Variants in SESTD1 observed in about 807,000 individuals in gnomAD.
SESTD1 encodes the protein SEC14 and spectrin domain containing 1.
SESTD1 carries 43 observed loss-of-function variants against 101.7 expected under a neutral mutation model. That is an observed-to-expected ratio of 0.42 (90% CI 0.33 to 0.55). The LOEUF is 0.55. SESTD1 is among the 20% of genes least tolerant of loss of function. SESTD1 has a pLI of 0.07. For synonymous variants in SESTD1, 283 were observed against 286.8 expected (o/e 0.99, Z 0.13); for missense variants, 647 against 815.1 (o/e 0.79, Z 2.51).
intron 1 of SESTD1, among the ~76,000 whole-genome samples, chr2:179,196,500 G>A (rs960156184): frequency 6.6e-6 from 1 of 152,220 alleles, no homozygotes; most frequent in African/African-American, 2.4e-5. Flanking sequence ...CACATCTTGG[G>A]GGCAGAGCAC....
chr2:179,167,580 A>C (rs1007408488), intron 5 of SESTD1, among the ~76,000 whole-genome samples: 6 of 152,186 alleles, frequency 3.9e-5, no homozygotes, highest in Non-Finnish European at 8.8e-5. Context: ...GAGATACAGC[A>C]AAATAAAACT....
chr2:179,151,432 C>A, intron 5 of SESTD1, 41 bp from the exon 6 acceptor site: 2 of 1,452,514 alleles, frequency 1.4e-6, no homozygotes, highest in Non-Finnish European at 1.9e-6. Flanking sequence ...TAGTAACCCA[C>A]TATTAAAATC....
intron 1 of SESTD1, among the ~76,000 whole-genome samples, chr2:179,256,822 A>C (rs1019116495): frequency 2.0e-5 from 3 of 151,968 alleles, no homozygotes; most frequent in African/African-American, 7.3e-5. Flanking sequence ...AAAAAAAAAA[A>C]AAAAAAAACT....
intron 2 of SESTD1, among the ~76,000 whole-genome samples, chr2:179,185,402 TATGTA>T (rs1163977198): frequency 6.9e-6 from 1 of 145,664 alleles, no homozygotes; most frequent in Non-Finnish European, 1.5e-5. Flanking sequence ...ATATATAGTA[TATGTA>T]ATGTATATAA....
Position 179,132,404 on chromosome 2 carries a change from G to C in SESTD1, c.872C>G (p.Pro291Arg). The C allele has an allele frequency of 1.3e-6, 2 of 1,561,188 alleles. No homozygotes were observed. Among genetic ancestry groups the C allele is most frequent in the Non-Finnish European group, 1.7e-6 (2 of 1,162,646 alleles). Residue 291 changes from proline to arginine, a missense_variant, in exon 10 of 18, where the codon CCT (proline) becomes CGT (arginine). Around this residue, in one of 3 missense-constraint regions of SESTD1, gnomAD observed 476 missense variants for 562.6 expected, o/e 0.85. Coordinates refer to ENST00000428443, the MANE Select transcript of SESTD1 (RefSeq NM_178123.5). ...VMQVVNWLEGPGSEQLRAQWG... is the reference protein window; with the variant it reads ...VMQVVNWLEGRGSEQLRAQWG... ...CTGGGCTCTTAGTTGTTCTGATCCAGGCCCTTCTAGCCAGTTCACCACCTA... is the reference window on the plus strand; with the variant it reads ...CTGGGCTCTTAGTTGTTCTGATCCACGCCCTTCTAGCCAGTTCACCACCTA...
intron 1 of SESTD1, among the ~76,000 whole-genome samples, chr2:179,230,165 A>C (rs2046965840): frequency 2.0e-5 from 2 of 100,604 alleles, no homozygotes; most frequent in Admixed American, 1.7e-4. Context: ...ACAGGGTCTC[A>C]CTCTGTCACC....
At chr2:179,221,369 T>C (rs539867115) in intron 1 of SESTD1, among the ~76,000 whole-genome samples, 1 of 151,148 alleles carries the variant, frequency 6.6e-6, no homozygotes, top group Non-Finnish European at 1.5e-5. Flanking sequence ...TCCTAGCACT[T>C]TGGGAGGCCG....
intron 2 of SESTD1, among the ~76,000 whole-genome samples, chr2:179,184,261 G>A (rs920902165): frequency 6.6e-6 from 1 of 152,120 alleles, no homozygotes. Context: ...ACTGACATTT[G>A]AGGTAATTTG....
chr2:179,149,197 T>C lies in SESTD1; in HGVS notation c.581+100A>G, dbSNP rs188980106. ...CAATTTTGATTGAATGAAGACTTTGTTTACTGTAGTTCTTTTAGCTTGCAT... is the reference window on the plus strand; with the variant it reads ...CAATTTTGATTGAATGAAGACTTTGCTTACTGTAGTTCTTTTAGCTTGCAT... On this transcript the variant is annotated intron_variant, in intron 7 of 17. Coordinates refer to ENST00000428443, the MANE Select transcript of SESTD1 (RefSeq NM_178123.5). 4.4e-4 allele frequency: 347 copies of C among 780,594 alleles called. 1 individual carries two copies. The African/African-American group carries it at 4.5e-3, about 10-fold the overall frequency. The allele number at this position is 780,594 out of a possible 1,614,324, so 48.4% of individuals were successfully genotyped here.
Position 179,109,905 on chromosome 2 carries a change from C to T in SESTD1, c.2085G>A (p.Glu695=). 1 of 1,613,646 alleles carries T rather than the reference C, an allele frequency of 6.2e-7. No individual in the cohort carries two copies. Among genetic ancestry groups the T allele is most frequent in the Non-Finnish European group, 8.5e-7 (1 of 1,179,820 alleles). The change falls in exon 18 of 18, where the codon GAG becomes GAA. Residue 695 remains glutamate (E), a synonymous_variant. Coordinates refer to ENST00000428443, the MANE Select transcript of SESTD1 (RefSeq NM_178123.5). ...QLRHPEMVTT[E]S ...TGTAGGTAGCTGGTAGCTATTAGCTCTCTGTGGTCACCATTTCAGGATGTC... is the reference window on the plus strand; with the variant it reads ...TGTAGGTAGCTGGTAGCTATTAGCTTTCTGTGGTCACCATTTCAGGATGTC...
intron 5 of SESTD1, among the ~76,000 whole-genome samples, chr2:179,162,753 C>T (rs1468830780): frequency 3.3e-5 from 5 of 150,858 alleles, no homozygotes; most frequent in African/African-American, 7.3e-5. Flanking sequence ...TTTGGGAGGC[C>T]GAGGCAGGTG....
intron 1 of SESTD1, among the ~76,000 whole-genome samples, chr2:179,219,608 G>A (rs2046785267): frequency 6.6e-6 from 1 of 152,166 alleles, no homozygotes; most frequent in South Asian, 2.1e-4. Context: ...CAAGTACTCA[G>A]TGCTCTATCA....
At chr2:179,262,230 C>T (rs1297354240) in intron 1 of SESTD1, among the ~76,000 whole-genome samples, 1 of 152,096 alleles carries the variant, frequency 6.6e-6, no homozygotes, top group Non-Finnish European at 1.5e-5. Context: ...ACAAAAGCTA[C>T]CAGGTACAAG....
chr2:179,232,435 C>T (rs1419351002), intron 1 of SESTD1, among the ~76,000 whole-genome samples: 2 of 151,742 alleles, frequency 1.3e-5, no homozygotes, highest in Non-Finnish European at 2.9e-5. Flanking sequence ...AAATCAAAAT[C>T]CTGGAATTTT....
chr2:179,197,683 C>G (rs1346460182), intron 1 of SESTD1, among the ~76,000 whole-genome samples: 3 of 152,092 alleles, frequency 2.0e-5, no homozygotes, highest in Non-Finnish European at 2.9e-5. Flanking sequence ...GAATTTTCAA[C>G]CCAGAATTTC....
intron 1 of SESTD1, among the ~76,000 whole-genome samples, chr2:179,192,878 C>G (rs975505833): frequency 2.0e-5 from 3 of 152,172 alleles, no homozygotes; most frequent in African/African-American, 7.2e-5. Context: ...CCATCTCACA[C>G]CCACCCACCA....
At chr2:179,163,960 A>C (rs1218334496) in intron 5 of SESTD1, among the ~76,000 whole-genome samples, 4 of 151,556 alleles carry the variant, frequency 2.6e-5, no homozygotes, top group Admixed American at 2.6e-4. Flanking sequence ...ACATTCCCCA[A>C]AAACCTACCA....
chr2:179,230,670 T>G (rs543185875), intron 1 of SESTD1, among the ~76,000 whole-genome samples: 3 of 151,482 alleles, frequency 2.0e-5, no homozygotes, highest in Admixed American at 6.6e-5. Context: ...ACAGGAACAG[T>G]TGGTAAAATG....
intron 1 of SESTD1, among the ~76,000 whole-genome samples, chr2:179,214,366 G>C: frequency 7.5e-6 from 1 of 134,044 alleles, no homozygotes; most frequent in East Asian, 2.0e-4. Context: ...AACCAACAAA[G>C]ATCAAAACAG....
Sources: gnomAD v4.1 joint callset for allele counts (sites outside exome capture counted in the v4.1 genomes callset) on GRCh38, gnomAD v4.1.1 for gene constraint, gnomAD v4.1.1 regional missense constraint, MANE v1.5 for transcripts, NCBI Gene and HGNC (gene_info 2026-07-23, HGNC 2026-07-21) for gene names.